Variants in FRMPD4 observed in about 807,000 individuals in gnomAD.
FRMPD4 encodes FERM and PDZ domain containing 4.
A neutral mutation model predicts 94.1 loss-of-function variants in FRMPD4; 22 were observed. The ratio of observed to expected loss-of-function variants is 0.23; its 90% CI spans 0.17 to 0.33. The LOEUF (loss-of-function observed/expected upper bound fraction) is 0.33. Among genes scored for constraint, FRMPD4 ranks in the 10% least tolerant of loss-of-function variants. The probability of loss-of-function intolerance (pLI) is 1.00; values close to 1 mark genes in which losing one functional copy is unlikely to be tolerated. For missense variants in FRMPD4, 1,111 were observed against 1,339.9 expected (o/e 0.83, Z 2.67); for synonymous variants, 631 against 548.6 (o/e 1.15, Z -2.10).
At chrX:12,125,020 C>T (rs986477644) in intron 3 of FRMPD4, among the ~76,000 whole-genome samples, 2 of 112,235 alleles carry the variant, frequency 1.8e-5, no homozygotes, top group Non-Finnish European at 3.8e-5. Context: ...CGTTGAGATA[C>T]AGTGACCTTT....
intron 3 of FRMPD4, among the ~76,000 whole-genome samples, chrX:12,095,802 T>G (rs1247170925): frequency 8.9e-6 from 1 of 112,512 alleles, no homozygotes; most frequent in Non-Finnish European, 1.9e-5. Context: ...TAATTCTTCA[T>G]GCACATGACA....
chrX:12,471,956 A>C (rs945912867), intron 1 of FRMPD4, among the ~76,000 whole-genome samples: 1 of 112,178 alleles, frequency 8.9e-6, no homozygotes, highest in Non-Finnish European at 1.9e-5. Flanking sequence ...AATTGAGAAC[A>C]ATAACTCAAT....
At chrX:12,206,398 C>G (rs1277036184) in intron 1 of FRMPD4, among the ~76,000 whole-genome samples, 9 of 111,593 alleles carry the variant, frequency 8.1e-5, no homozygotes, top group Non-Finnish European at 7.5e-5. Flanking sequence ...TGGAGACTCT[C>G]CCAAGTCATG....
chrX:12,085,351 T>C (rs952344748), intron 3 of FRMPD4, among the ~76,000 whole-genome samples: 4 of 111,906 alleles, frequency 3.6e-5, no homozygotes, highest in Non-Finnish European at 7.5e-5. Context: ...GATTGTATTA[T>C]GAATAATACC....
At chrX:12,416,332 G>A (rs1212313711) in intron 1 of FRMPD4, among the ~76,000 whole-genome samples, 1 of 111,233 alleles carries the variant, frequency 9.0e-6, no homozygotes, top group Non-Finnish European at 1.9e-5. Flanking sequence ...GAGGGGCATG[G>A]CAGATTTCCT....
chrX:12,189,902 T>A (rs1285083529), intron 1 of FRMPD4, among the ~76,000 whole-genome samples: 2 of 111,265 alleles, frequency 1.8e-5, no homozygotes, highest in Non-Finnish European at 3.8e-5. Flanking sequence ...AAAGAAAAGG[T>A]ATACAAATTG....
At chrX:12,511,368 A>T (rs760758942) in intron 2 of FRMPD4, among the ~76,000 whole-genome samples, 20 of 112,346 alleles carry the variant, frequency 1.8e-4, no homozygotes, top group Non-Finnish European at 3.6e-4. Context: ...ATGAACTAAA[A>T]TGGAACACAG....
chrX:12,539,548 G>T (rs1420437749), intron 2 of FRMPD4, among the ~76,000 whole-genome samples: 2 of 111,867 alleles, frequency 1.8e-5, no homozygotes, highest in Non-Finnish European at 3.8e-5. Flanking sequence ...GAAAGGTAGG[G>T]TTAACCAACA....
At chrX:11,991,705 AAATTT>A (rs765406489) in intron 3 of FRMPD4, among the ~76,000 whole-genome samples, 41 of 112,177 alleles carry the variant, frequency 3.7e-4, no homozygotes, top group Non-Finnish European at 6.4e-4. Context: ...GATTTTCTTT[AAATTT>A]AAGTCATTTG....
intron 16 of FRMPD4, among the ~76,000 whole-genome samples, chrX:12,719,252 G>A (rs190460822): frequency 5.3e-5 from 6 of 112,548 alleles, no homozygotes; most frequent in East Asian, 5.6e-4. Flanking sequence ...TTTGCCTTTC[G>A]GCAATCTTAC....
chrX:12,385,386 C>T (rs16986851), intron 1 of FRMPD4, among the ~76,000 whole-genome samples: 24,821 of 111,563 alleles, frequency 0.22, 2,149 homozygotes, highest in African/African-American at 0.25. Flanking sequence ...GTCTATGCAA[C>T]GGAACCTTAG....
In FRMPD4 at chrX:12,476,698, A is replaced by G. The variant is rs185766684; in HGVS notation, c.42-21982A>G. On this transcript the variant is annotated intron_variant, in intron 1 of 16. Coordinates refer to ENST00000675598, the MANE Select transcript of FRMPD4 (RefSeq NM_001368397.1). Reference sequence around the variant, plus strand: ...TCAAAAGAAGACATTTATGCAGCCAACAGACACGTGAAAAAATGCTCATCA... The same window carrying G: ...TCAAAAGAAGACATTTATGCAGCCAGCAGACACGTGAAAAAATGCTCATCA... Among the ~76,000 whole-genome samples, 8 of 112,356 alleles carry G rather than the reference A, an allele frequency of 7.1e-5. No homozygotes were observed. The Admixed American group carries it at 7.5e-4, about 11-fold the overall frequency.
intron 1 of FRMPD4, among the ~76,000 whole-genome samples, chrX:12,304,376 A>C (rs1053472083): frequency 9.0e-6 from 1 of 110,858 alleles, no homozygotes; most frequent in African/African-American, 3.3e-5. Context: ...TGTCCTGTAC[A>C]TTGCAGGATG....
chrX:11,992,823 C>T (rs997228397), intron 3 of FRMPD4, among the ~76,000 whole-genome samples: 6 of 109,945 alleles, frequency 5.5e-5, no homozygotes, highest in African/African-American at 2.0e-4. Context: ...ATTATTCCTC[C>T]TCAGTTTGCT....
chrX:12,057,551 T>G (rs1371738170), intron 3 of FRMPD4, among the ~76,000 whole-genome samples: 3 of 111,732 alleles, frequency 2.7e-5, no homozygotes, highest in Admixed American at 9.5e-5. Context: ...TCAGTATTAG[T>G]CACCTCTTAG....
chrX:12,636,226 TA>T (rs1402764000), intron 4 of FRMPD4, among the ~76,000 whole-genome samples: 1 of 112,248 alleles, frequency 8.9e-6, no homozygotes, highest in East Asian at 2.8e-4. Flanking sequence ...ATGTGGATAT[TA>T]AAAGACTCTT....
intron 1 of FRMPD4, among the ~76,000 whole-genome samples, chrX:12,289,236 G>A (rs2054649732): frequency 9.0e-6 from 1 of 111,430 alleles, no homozygotes; most frequent in Non-Finnish European, 1.9e-5. Flanking sequence ...ATATGATAGT[G>A]TTGTTATTTT....
intron 4 of FRMPD4, among the ~76,000 whole-genome samples, chrX:12,645,835 G>A (rs977465337): frequency 8.9e-5 from 10 of 111,861 alleles, no homozygotes; most frequent in African/African-American, 2.9e-4. Flanking sequence ...ATAGATTTTC[G>A]CATGCATTTT....
intron 1 of FRMPD4, among the ~76,000 whole-genome samples, chrX:11,859,886 A>AT (rs1331732991): frequency 8.9e-6 from 1 of 111,788 alleles, no homozygotes; most frequent in African/African-American, 3.2e-5. Context: ...GCTCATTGCT[A>AT]TTTCCTGATG....
Sources: allele counts gnomAD v4.1 joint callset (sites outside exome capture counted in the v4.1 genomes callset), GRCh38; gene constraint gnomAD v4.1.1; transcripts MANE v1.5; gene names NCBI Gene and HGNC (gene_info 2026-07-23, HGNC 2026-07-21).